NFXL1: variants seen among roughly 807,000 people sequenced by gnomAD.
The protein encoded by NFXL1 is nuclear transcription factor, X-box binding like 1.
In NFXL1, 66 loss-of-function variants were observed where a neutral mutation model predicts 123.3. That is an observed-to-expected ratio of 0.54 (90% CI 0.44 to 0.66). The LOEUF (loss-of-function observed/expected upper bound fraction) is 0.66. Among genes scored for constraint, NFXL1 ranks in the 30% least tolerant of loss-of-function variants. NFXL1 has a pLI of 0.00. For missense variants in NFXL1, 944 were observed against 1,125.6 expected (o/e 0.84, Z 2.31); for synonymous variants, 346 against 360.8 (o/e 0.96, Z 0.46).
At chr4:47,867,305 G>A (rs984041603) in intron 18 of NFXL1, among the ~76,000 whole-genome samples, 1 of 151,664 alleles carries the variant, frequency 6.6e-6, no homozygotes, top group Non-Finnish European at 1.5e-5. Flanking sequence ...GCTCATGAAA[G>A]AACATATTTA....
intron 18 of NFXL1, among the ~76,000 whole-genome samples, chr4:47,871,825 AC>A (rs1296203925): frequency 6.6e-6 from 1 of 152,222 alleles, no homozygotes; most frequent in Non-Finnish European, 1.5e-5. Context: ...AGTTTAGGGA[AC>A]AAAAATGTTA....
intron 8 of NFXL1, 72 bp from the exon 9 acceptor site, chr4:47,898,153 A>C: frequency 1.1e-6 from 1 of 870,522 alleles, no homozygotes; most frequent in Non-Finnish European, 1.8e-6. Context: ...ACAAGACACA[A>C]TCCATTTTTC....
intron 3 of NFXL1, among the ~76,000 whole-genome samples, chr4:47,909,850 G>A (rs1319122209): frequency 4.0e-5 from 6 of 151,704 alleles, no homozygotes; most frequent in African/African-American, 1.2e-4. Flanking sequence ...TAGTAGAGAC[G>A]GGGTTTCACC....
At chr4:47,882,285 C>G (rs989984405) in intron 15 of NFXL1, 18 of 152,092 alleles carry the variant, frequency 1.2e-4, no homozygotes, top group African/African-American at 4.1e-4. Context: ...AAAGAGTTCT[C>G]CTGTGGAGCT....
At position 47,854,845 on chromosome 4, in the gene NFXL1, G is replaced by A. The variant is rs536361706; in HGVS notation, c.2421+214C>T. On this transcript the variant is annotated intron_variant, in intron 20 of 22. Transcript: ENST00000507489. The stretch of plus-strand genomic sequence containing the variant: ...CTGTTAAATTGCAGAAAATTAAATC[G>A]CCAAAGCTTATGTTTAAAATAAATG... 3.5e-4 allele frequency among the ~76,000 whole-genome samples: 52 copies of A among 148,534 alleles called. No homozygotes were observed. The South Asian group carries it at 5.1e-3, about 15-fold the overall frequency.
chr4:47,876,165 T>A (rs1735739873), intron 17 of NFXL1, among the ~76,000 whole-genome samples: 1 of 152,044 alleles, frequency 6.6e-6, no homozygotes, highest in African/African-American at 2.4e-5. Context: ...AATATTATTT[T>A]ATAAATTATT....
intron 17 of NFXL1, among the ~76,000 whole-genome samples, chr4:47,877,676 A>C (rs759060446): frequency 1.3e-5 from 2 of 152,016 alleles, no homozygotes; most frequent in African/African-American, 2.4e-5. Context: ...ATACATTTAC[A>C]CATGTTTGCA....
rs1733907172 is a variant in NFXL1 at position 47,848,027 on chromosome 4, C to T, written c.*136G>A. 3.5e-6 allele frequency: 2 copies of T among 570,934 alleles called. No homozygotes were observed. 35.4% of individuals were successfully genotyped at this position (570,934 alleles called of 1,614,324 possible). On this transcript the variant is annotated 3_prime_UTR_variant, in exon 23 of 23. Transcript: ENST00000507489. ...TTAAGATAAAGTTTAACATTCTGTC[C>T]TTCTAACAACAGCTGAGAGAATACA...
intron 18 of NFXL1, among the ~76,000 whole-genome samples, chr4:47,863,203 G>T (rs1022255007): frequency 1.3e-5 from 2 of 151,768 alleles, no homozygotes; most frequent in Non-Finnish European, 2.9e-5. Context: ...CTCTTTAATA[G>T]TTCCTGTAAC....
intron 12 of NFXL1, among the ~76,000 whole-genome samples, chr4:47,889,659 C>T (rs1007110376): frequency 1.3e-5 from 2 of 152,154 alleles, no homozygotes; most frequent in African/African-American, 4.8e-5. Flanking sequence ...TCTAAGTCCA[C>T]GATCTTTCCA....
At chr4:47,882,652 G>T (rs1228317165) in intron 15 of NFXL1, among the ~76,000 whole-genome samples, 1 of 151,984 alleles carries the variant, frequency 6.6e-6, no homozygotes, top group Admixed American at 6.6e-5. Context: ...TTCTTTTATT[G>T]AATTTCTTAA....
chr4:47,867,299 A>G (rs1188455390), intron 18 of NFXL1, among the ~76,000 whole-genome samples: 2 of 152,164 alleles, frequency 1.3e-5, no homozygotes, highest in Admixed American at 6.5e-5. Context: ...CAAGGTGCTC[A>G]TGAAAGAACA....
chr4:47,900,708 A>G (rs971105777), intron 5 of NFXL1, among the ~76,000 whole-genome samples: 4 of 152,250 alleles, frequency 2.6e-5, no homozygotes, highest in African/African-American at 9.6e-5. Flanking sequence ...CCAAATGAGT[A>G]TAGTTAGTAT....
upstream of NFXL1, chr4:47,914,640 A>T (rs569876335): frequency 6.5e-6 from 1 of 154,140 alleles, no homozygotes; most frequent in Non-Finnish European, 1.4e-5. Context: ...AACAGACTAC[A>T]ACTCCCAGAA....
intron 19 of NFXL1, among the ~76,000 whole-genome samples, chr4:47,859,868 AAAC>A (rs1734648651): frequency 1.1e-4 from 3 of 27,760 alleles, no homozygotes; most frequent in South Asian, 1.2e-3. Flanking sequence ...AAAAAAAAAA[AAAC>A]AAACAAACAA....
At position 47,860,620 on chromosome 4, in the gene NFXL1, A is replaced by T. The variant is rs1367811056; in HGVS notation, c.2316+2226T>A. On this transcript the variant is annotated intron_variant, in intron 19 of 22. Coordinates refer to ENST00000507489, the MANE Select transcript of NFXL1 (RefSeq NM_001278624.2). The stretch of plus-strand genomic sequence containing the variant: ...TGCCTGTAACAATCTACAGTATGGG[A>T]AAGAAACAAGAACATAAATAAGAGT... Among the ~76,000 whole-genome samples, 3 of 152,240 alleles carry T rather than the reference A, an allele frequency of 2.0e-5. No individual in the cohort carries two copies. In the East Asian group the frequency reaches 5.8e-4, roughly 29 times the overall value.
rs1334688823 is a variant in NFXL1 at position 47,878,612 on chromosome 4, A to G, written c.1992T>C (p.Cys664=). The G allele has an allele frequency of 6.2e-7, 1 of 1,607,444 alleles. No homozygotes were observed. Among genetic ancestry groups the G allele is most frequent in the Non-Finnish European group, 8.5e-7 (1 of 1,176,554 alleles). Residue 664 remains cysteine, a synonymous_variant, in exon 17 of 23, where the codon TGT becomes TGC. Transcript: ENST00000507489. ...GATTCTGACAATCCAAGATTCTTCC[A>G]CAAACTCTTTTACAAGAGTAGGGTC... ...AVGPYSCKRV[C]GRILDCQNHT...
rs1352263644 is a variant in NFXL1 at position 47,914,365 on chromosome 4, C to G, written c.-3G>C. ...TAGGAGGTCGCGGCCCTGCCTTTAC[C>G]GGAGGGCGAGTCCCCGCCAAGCCCG... On this transcript the variant is annotated splice_region_variant and 5_prime_UTR_variant, in exon 1 of 23. Transcript: ENST00000507489. 1 of 565,882 alleles carries G rather than the reference C, an allele frequency of 1.8e-6. No homozygotes were observed. The highest frequency in any genetic ancestry group is 2.7e-5 in the South Asian group (1 of 37,378). The allele number at this position is 565,882 out of a possible 1,614,324, so 35.1% of individuals were successfully genotyped here. A position where few individuals can be genotyped will look rare whatever the true frequency, so the allele number is the denominator to read the frequency against.
chr4:47,906,711 T>G (rs1233345003), intron 3 of NFXL1, among the ~76,000 whole-genome samples: 1 of 152,176 alleles, frequency 6.6e-6, no homozygotes, highest in African/African-American at 2.4e-5. Flanking sequence ...AAACAGAATT[T>G]AAGAAGAAGA....
Sources: allele counts gnomAD v4.1 joint callset (sites outside exome capture counted in the v4.1 genomes callset), GRCh38; gene constraint gnomAD v4.1.1; transcripts MANE v1.5; gene names NCBI Gene and HGNC (gene_info 2026-07-23, HGNC 2026-07-21).